Variants in APP observed in about 807,000 individuals in gnomAD.
The protein encoded by APP is amyloid beta precursor protein, also known as amyloid-beta precursor protein.
In APP, 31 loss-of-function variants were observed where a neutral mutation model predicts 101.4. That is an observed-to-expected ratio of 0.31 (90% CI 0.23 to 0.41). The LOEUF is 0.41. APP is among the 10% of genes least tolerant of loss of function. The pLI, the probability that APP is intolerant of heterozygous loss-of-function variation, is 1.00. For missense variants in APP, 839 were observed against 1,003.7 expected (o/e 0.84, Z 2.22); for synonymous variants, 366 against 364.4 (o/e 1.00, Z -0.05).
chr21:25,984,526 A>G (rs1223266688), intron 8 of APP, among the ~76,000 whole-genome samples: 1 of 152,354 alleles, frequency 6.6e-6, no homozygotes, highest in East Asian at 1.9e-4. Flanking sequence ...GTTTTTCTCC[A>G]TAGCTTCAAG....
chr21:26,103,100 A>C (rs2062100153), intron 2 of APP, among the ~76,000 whole-genome samples: 1 of 152,156 alleles, frequency 6.6e-6, no homozygotes, highest in African/African-American at 2.4e-5. Context: ...AACACTAAAC[A>C]AAAAGAACAA....
chr21:26,027,619 G>C (rs2146805822), intron 5 of APP, among the ~76,000 whole-genome samples: 1 of 152,236 alleles, frequency 6.6e-6, no homozygotes, highest in South Asian at 2.1e-4. Context: ...CAGGCAAATA[G>C]AACTCAGGGG....
chr21:26,051,443 C>T (rs763087171), intron 4 of APP, among the ~76,000 whole-genome samples: 6 of 152,166 alleles, frequency 3.9e-5, no homozygotes, highest in South Asian at 2.1e-4. Flanking sequence ...GAGGTTTATA[C>T]GAACAACTGG....
intron 13 of APP, among the ~76,000 whole-genome samples, chr21:25,928,208 T>TG (rs34129712): frequency 1 from 152,191 of 152,194 alleles, 76,094 homozygotes; most frequent in Middle Eastern, 1. Flanking sequence ...CCGGGCATGG[T>TG]GCAGGCGCCT....
intron 5 of APP, among the ~76,000 whole-genome samples, chr21:26,034,527 A>C (rs920919060): frequency 2.6e-5 from 4 of 151,442 alleles, no homozygotes; most frequent in Admixed American, 6.6e-5. Flanking sequence ...CTATAGTCCC[A>C]GTTACTTGGG....
At chr21:25,895,110 C>CTT (rs142828503) in intron 16 of APP, among the ~76,000 whole-genome samples, 4 of 142,636 alleles carry the variant, frequency 2.8e-5, no homozygotes, top group South Asian at 2.2e-4. Flanking sequence ...ATATACATGG[C>CTT]TTTTTTTTTT....
At chr21:25,983,021 T>C (rs2042497747) in intron 8 of APP, among the ~76,000 whole-genome samples, 1 of 152,150 alleles carries the variant, frequency 6.6e-6, no homozygotes. Flanking sequence ...AAAAGATATA[T>C]AAACATCAAT....
At chr21:25,951,556 A>G (rs1481535026) in intron 13 of APP, among the ~76,000 whole-genome samples, 1 of 152,194 alleles carries the variant, frequency 6.6e-6, no homozygotes, top group Non-Finnish European at 1.5e-5. Context: ...GAATTTTAGT[A>G]TGCTATTTGT....
At position 25,923,106 on chromosome 21, in the gene APP, C is replaced by T. The variant is rs1395180925; in HGVS notation, c.1688-11144G>A. Among the ~76,000 whole-genome samples the T allele has an allele frequency of 8.5e-4, 104 of 121,742 alleles. 1 individual carries two copies. Among genetic ancestry groups the T allele is most frequent in the African/African-American group, 3.3e-3 (97 of 29,666 alleles). The allele number at this position is 121,742 out of a possible 152,430, so 79.9% of individuals were successfully genotyped here. A position where few individuals can be genotyped will look rare whatever the true frequency, so the allele number is the denominator to read the frequency against. ...CTACAACTATCTGATCTTTGACAAACCTGAGAAAAACAAGCAATGGGGAAA... is the reference window on the plus strand; with the variant it reads ...CTACAACTATCTGATCTTTGACAAATCTGAGAAAAACAAGCAATGGGGAAA... On this transcript the variant is annotated intron_variant, in intron 13 of 17. Coordinates refer to ENST00000346798, the MANE Select transcript of APP (RefSeq NM_000484.4).
At chr21:25,989,848 T>G (rs894637610) in intron 8 of APP, among the ~76,000 whole-genome samples, 6 of 152,172 alleles carry the variant, frequency 3.9e-5, no homozygotes, top group Non-Finnish European at 5.9e-5. Context: ...AGCGTTCATG[T>G]GAAACTTTAA....
chr21:25,975,441 AT>A (rs1372414318), intron 10 of APP, among the ~76,000 whole-genome samples: 1 of 152,136 alleles, frequency 6.6e-6, no homozygotes, highest in Non-Finnish European at 1.5e-5. Context: ...CTACTTTCTC[AT>A]TGAAAATCAG....
chr21:25,932,422 A>G (rs951539278), intron 13 of APP, among the ~76,000 whole-genome samples: 4 of 152,116 alleles, frequency 2.6e-5, no homozygotes, highest in Non-Finnish European at 2.9e-5. Context: ...ATGATGGACT[A>G]TTTCCCACCC....
chr21:26,078,876 T>C (rs995338475), intron 3 of APP, among the ~76,000 whole-genome samples: 3 of 152,062 alleles, frequency 2.0e-5, no homozygotes, highest in Admixed American at 6.6e-5. Context: ...AAACCCCGTC[T>C]CTACTAAAAA....
At chr21:26,046,439 A>G (rs1405132441) in intron 5 of APP, among the ~76,000 whole-genome samples, 1 of 151,922 alleles carries the variant, frequency 6.6e-6, no homozygotes, top group Non-Finnish European at 1.5e-5. Context: ...AAAAAGAAAA[A>G]AAAAAACTCT....
intron 5 of APP, among the ~76,000 whole-genome samples, chr21:26,042,683 C>G (rs2045426651): frequency 1.3e-5 from 2 of 152,038 alleles, no homozygotes; most frequent in South Asian, 4.1e-4. Context: ...AGGAGGATCA[C>G]TTGAGGCCAG....
intron 6 of APP, among the ~76,000 whole-genome samples, chr21:26,021,394 T>C (rs2044330979): frequency 6.6e-6 from 1 of 152,052 alleles, no homozygotes; most frequent in Admixed American, 6.6e-5. Context: ...CTCACTCAAC[T>C]AAGATTTATC....
intron 7 of APP, among the ~76,000 whole-genome samples, chr21:25,998,954 C>T (rs2146673542): frequency 6.6e-6 from 1 of 152,170 alleles, no homozygotes; most frequent in Middle Eastern, 3.4e-3. Context: ...ATTTTTATCC[C>T]CCGGAATTAT....
At chr21:26,059,806 G>A (rs1457872399) in intron 3 of APP, among the ~76,000 whole-genome samples, 12 of 146,002 alleles carry the variant, frequency 8.2e-5, no homozygotes, top group Non-Finnish European at 1.8e-4. Context: ...CAGGAGAATC[G>A]CTTGAACCTG....
intron 11 of APP, among the ~76,000 whole-genome samples, chr21:25,961,600 A>G (rs2041582945): frequency 6.6e-6 from 1 of 152,204 alleles, no homozygotes; most frequent in South Asian, 2.1e-4. Flanking sequence ...AACATTTGTT[A>G]TTTCTTGAGC....
Sources: allele counts gnomAD v4.1 joint callset (sites outside exome capture counted in the v4.1 genomes callset), GRCh38; gene constraint gnomAD v4.1.1; transcripts MANE v1.5; gene names NCBI Gene and HGNC (gene_info 2026-07-23, HGNC 2026-07-21).